MYO18B: variants seen among roughly 807,000 people sequenced by gnomAD.
The protein encoded by MYO18B is myosin XVIIIB, also known as unconventional myosin-XVIIIb.
MYO18B carries 204 observed loss-of-function variants against 273.0 expected under a neutral mutation model. That is an observed-to-expected ratio of 0.75 (90% confidence interval 0.67 to 0.84). The LOEUF (loss-of-function observed/expected upper bound fraction) is 0.84, where lower values mean the gene tolerates loss of function less well. Ranked by LOEUF, MYO18B falls within the 40% of genes least tolerant of loss-of-function variation. The pLI is 0.00. For missense variants in MYO18B, 3,212 were observed against 3,287.6 expected, an observed-to-expected ratio of 0.98 and a Z score of 0.56; for synonymous variants, 1,330 against 1,305.7, an observed-to-expected ratio of 1.02 and a Z score of -0.40.
intron 25 of MYO18B, among the ~76,000 whole-genome samples, chr22:25,889,374 G>T (rs776438043): frequency 4.6e-5 from 7 of 152,034 alleles, no homozygotes; most frequent in Non-Finnish European, 8.8e-5. Flanking sequence ...TGATGCAGAG[G>T]GTCCGATGAA....
Position 26,027,946 on chromosome 22 carries a change from A to G in MYO18B, c.*12+256A>G, listed in dbSNP as rs974630864. On this transcript the variant is annotated intron_variant, in intron 43 of 43. Coordinates refer to ENST00000335473, the MANE Select transcript of MYO18B (RefSeq NM_032608.7). This position sits in a 1 kb window ranked among gnomAD's most constrained non-coding sequence, Gnocchi z 4.1. ...AGAGGTTCCTGTGGGATACCGCTAA[A>G]GAAGGTGCCAGATGTAGCCGGGCGC... Among the ~76,000 whole-genome samples, 11 of 152,202 alleles carry G rather than the reference A, an allele frequency of 7.2e-5. No individual in the cohort carries two copies. Among genetic ancestry groups the G allele is most frequent in the African/African-American group, 2.7e-4 (11 of 41,452 alleles).
rs537413306 is a variant in MYO18B at position 25,826,504 on chromosome 22, C to G, written c.2786+5C>G. 4 of 1,611,828 alleles carry G rather than the reference C, an allele frequency of 2.5e-6. No individual in the cohort carries two copies. The South Asian group carries it at 4.4e-5, about 18-fold the overall frequency. On this transcript the variant is annotated splice_donor_5th_base_variant and intron_variant, in intron 14 of 43. Transcript: ENST00000335473. ...TGTGGTCTCACTCATCAACAGGTAA[C>G]GGGGCCTTTTCCTAGGCACACAGTT...
At position 25,770,173 on chromosome 22, in the gene MYO18B, C is replaced by T. The variant is rs2086667038; in HGVS notation, c.1576C>T (p.Leu526Phe). ...GCTGGCTCAGAAGGATGGATTTACT[C>T]TTGGTAAGTAGGGGTGTTAGCACCT... Reference protein sequence around the residue: ...VWLAQKDGFTLATVLKPDEGT... With the variant: ...VWLAQKDGFTFATVLKPDEGT... The change falls in exon 5 of 44, where the codon CTT becomes TTT. Residue 526 changes from leucine to phenylalanine, a missense_variant. By Grantham distance (22) the Leu-to-Phe change is conservative. Transcript: ENST00000335473. 1.2e-6 allele frequency: 2 copies of T among 1,613,808 alleles called. No homozygotes were observed. The highest frequency in any genetic ancestry group is 1.7e-5 in the Admixed American group (1 of 59,990).
At position 25,810,407 on chromosome 22, in the gene MYO18B, CTT is replaced by C. The variant is rs557370446; in HGVS notation, c.2521+12323_2521+12324del. ...GCCACTGTGCCTGTCCTCCTTCAGG[CTT>C]TTTTTTTTTTTTAATAGGCTATAAT... On this transcript the variant is annotated intron_variant, in intron 12 of 43. Transcript: ENST00000335473. 2.2e-3 allele frequency among the ~76,000 whole-genome samples: 241 copies of C among 111,248 alleles called. 1 individual carries two copies. Among genetic ancestry groups the C allele is most frequent in the East Asian group, 3.7e-3 (14 of 3,822 alleles). 73.0% of individuals were successfully genotyped at this position (111,248 alleles called of 152,430 possible).
chr22:25,988,997 T>A (rs1176805753), intron 39 of MYO18B, among the ~76,000 whole-genome samples: 1 of 152,190 alleles, frequency 6.6e-6, no homozygotes, highest in African/African-American at 2.4e-5. Flanking sequence ...TTCTGCCCAC[T>A]TGCTTAGTCC....
chr22:25,917,164 C>T (rs570227014), intron 33 of MYO18B, among the ~76,000 whole-genome samples: 1 of 152,276 alleles, frequency 6.6e-6, no homozygotes, highest in South Asian at 2.1e-4. Flanking sequence ...TTCAACATTA[C>T]ATACGAATAT....
intron 12 of MYO18B, among the ~76,000 whole-genome samples, chr22:25,799,619 T>G (rs2145769077): frequency 6.6e-6 from 1 of 152,350 alleles, no homozygotes; most frequent in Middle Eastern, 3.4e-3. Context: ...GCTGTTACCT[T>G]GGCGGGGGCA....
At chr22:25,977,089 T>C (rs2093098077) in intron 39 of MYO18B, among the ~76,000 whole-genome samples, 1 of 152,142 alleles carries the variant, frequency 6.6e-6, no homozygotes. Context: ...GACTGTAGGA[T>C]GTACTCATTG....
At chr22:25,849,241 G>A (rs1016561743) in intron 20 of MYO18B, among the ~76,000 whole-genome samples, 2 of 152,196 alleles carry the variant, frequency 1.3e-5, no homozygotes, top group African/African-American at 4.8e-5. Flanking sequence ...GTGACCTCAC[G>A]ACACCATCTC....
chr22:26,006,554 A>G, intron 42 of MYO18B: 2 of 204,186 alleles, frequency 9.8e-6, no homozygotes, highest in East Asian at 1.2e-4. Context: ...TTTAAAGTCA[A>G]CGTTTTTAGA....
At chr22:25,864,248 A>G (rs1055582503) in intron 21 of MYO18B, among the ~76,000 whole-genome samples, 3 of 152,158 alleles carry the variant, frequency 2.0e-5, no homozygotes, top group Non-Finnish European at 1.5e-5. Flanking sequence ...CTGAGATCCA[A>G]TAGGTTTTCT....
At chr22:25,749,745 G>C (rs1249610080) in intron 1 of MYO18B, among the ~76,000 whole-genome samples, 1 of 152,156 alleles carries the variant, frequency 6.6e-6, no homozygotes, top group African/African-American at 2.4e-5. Flanking sequence ...TCCTTCTTGG[G>C]GTGAGGCAGC....
intron 17 of MYO18B, among the ~76,000 whole-genome samples, 163 bp downstream of exon 17, chr22:25,835,606 C>T (rs967325486): frequency 6.6e-5 from 10 of 152,228 alleles, no homozygotes; most frequent in African/African-American, 9.7e-5. Flanking sequence ...TTCAAGTATT[C>T]AGTGAACGCA....
rs184262574 is a variant in MYO18B, at chr22:25,770,875, C to T, written c.1583C>T (p.Thr528Met). The change falls in exon 6 of 44, where the codon ACG (threonine) becomes ATG (methionine). Residue 528 changes from threonine to methionine, a missense_variant. By Grantham distance (81) the Thr-to-Met change is moderately conservative (BLOSUM62 -1). Coordinates refer to ENST00000335473, the MANE Select transcript of MYO18B (RefSeq NM_032608.7). ...TCTCTCTGGGATGTCCAACCAGCTA[C>T]GGTGCTAAAGCCAGATGAGGGAACA... ...LAQKDGFTLA[T>M]VLKPDEGTAD... is the part of the protein sequence containing the mutation. The T allele has an allele frequency of 3.1e-5, 48 of 1,551,382 alleles. No individual in the cohort carries two copies. Among genetic ancestry groups the T allele is most frequent in the Middle Eastern group, 1.7e-4 (1 of 5,994 alleles).
At chr22:25,752,629 G>A (rs74619939) in intron 1 of MYO18B, among the ~76,000 whole-genome samples, 47,690 of 151,916 alleles carry the variant, frequency 0.31, 7,836 homozygotes, top group South Asian at 0.42. Context: ...GCAAGCCACA[G>A]CTATGCAGCT....
At chr22:25,855,747 T>C (rs2090552576) in intron 21 of MYO18B, among the ~76,000 whole-genome samples, 3 of 152,236 alleles carry the variant, frequency 2.0e-5, no homozygotes, top group Admixed American at 2.0e-4. Flanking sequence ...GAAGGATTTC[T>C]ATTCCTTCAG....
intron 39 of MYO18B, among the ~76,000 whole-genome samples, chr22:25,968,750 G>A (rs1385189784): frequency 3.9e-5 from 6 of 152,112 alleles, no homozygotes; most frequent in Admixed American, 3.9e-4. Flanking sequence ...CTGACTCTGT[G>A]GACTTGGGCA....
chr22:25,844,980 C>A (rs955348064), intron 18 of MYO18B, among the ~76,000 whole-genome samples: 1 of 152,212 alleles, frequency 6.6e-6, no homozygotes, highest in East Asian at 1.9e-4. Flanking sequence ...CAAGACTCAG[C>A]GGCTGTAGCC....
rs114317561 is a variant in MYO18B at position 25,777,174 on chromosome 22, C to G, written c.1870-409C>G. Among the ~76,000 whole-genome samples, 1,223 of 152,246 alleles carry G rather than the reference C, an allele frequency of 8.0e-3. 19 individuals carry two copies. The highest frequency in any genetic ancestry group is 0.028 in the African/African-American group (1,170 of 41,548). On this transcript the variant is annotated intron_variant, in intron 7 of 43. Transcript: ENST00000335473. ...ATATATAGCACACATACCACTAACT[C>G]CCCCATGTGCCATTCCCTGTGTCCA...
Sources: allele counts gnomAD v4.1 joint callset (sites outside exome capture counted in the v4.1 genomes callset), GRCh38; gene constraint gnomAD v4.1.1; non-coding constraint Gnocchi (gnomAD v3.1); transcripts MANE v1.5; gene names NCBI Gene and HGNC (gene_info 2026-07-23, HGNC 2026-07-21).